Variants in MYH11 observed in about 807,000 individuals in gnomAD.
The protein encoded by MYH11 is myosin-11.
MYH11 carries 80 observed loss-of-function variants against 246.6 expected under a neutral mutation model. That is an observed-to-expected ratio of 0.32 (90% CI 0.27 to 0.39). MYH11 has a LOEUF of 0.39. MYH11 is among the 10% of genes least tolerant of loss of function. The pLI, the probability that MYH11 is intolerant of heterozygous loss-of-function variation, is 1.00. For synonymous variants in MYH11, 1,071 were observed against 1,015.5 expected, an observed-to-expected ratio of 1.05 and a Z score of -1.04; for missense variants, 2,158 against 2,546.8, an observed-to-expected ratio of 0.85 and a Z score of 3.29.
intron 4 of MYH11, among the ~76,000 whole-genome samples, chr16:15,788,077 C>CA (rs2042515560): frequency 3.6e-5 from 2 of 55,374 alleles, no homozygotes; most frequent in Non-Finnish European, 7.3e-5. Context: ...GAAGGTAGAT[C>CA]TTTTTTTTTT....
chr16:15,762,608 G>C (rs925468995), intron 10 of MYH11, among the ~76,000 whole-genome samples: 6 of 151,974 alleles, frequency 3.9e-5, no homozygotes, highest in Non-Finnish European at 4.4e-5. Context: ...GGACAGCTTC[G>C]ACTCCCTGTA....
intron 4 of MYH11, among the ~76,000 whole-genome samples, chr16:15,790,374 C>T (rs1234129599): frequency 6.6e-6 from 1 of 151,974 alleles, no homozygotes; most frequent in African/African-American, 2.4e-5. Flanking sequence ...GTGCCCTATC[C>T]GTGGCTATGG....
At chr16:15,742,370 C>T (rs1280351655) in intron 20 of MYH11, among the ~76,000 whole-genome samples, 1 of 152,212 alleles carries the variant, frequency 6.6e-6, no homozygotes, top group Non-Finnish European at 1.5e-5. Flanking sequence ...ACATTTCCTT[C>T]CTGGCTCTTT....
intron 4 of MYH11, among the ~76,000 whole-genome samples, chr16:15,790,236 C>T (rs1442823771): frequency 6.6e-6 from 1 of 152,088 alleles, no homozygotes; most frequent in Admixed American, 6.6e-5. Context: ...ACCCAGGAGG[C>T]GGAGATTACA....
chr16:15,840,115 G>A (rs185006833), intron 1 of MYH11, among the ~76,000 whole-genome samples: 135 of 152,246 alleles, frequency 8.9e-4, no homozygotes, highest in African/African-American at 3.1e-3. Flanking sequence ...AGGCACAGAA[G>A]AGGTACATAA....
chr16:15,846,900 G>A (rs2044204224), intron 1 of MYH11, among the ~76,000 whole-genome samples: 1 of 152,126 alleles, frequency 6.6e-6, no homozygotes, highest in African/African-American at 2.4e-5. Flanking sequence ...GATGCAGTGA[G>A]CCATGATCAT....
Position 15,786,658 on chromosome 16 carries a change from T to C in MYH11, c.605A>G (p.His202Arg), listed in dbSNP as rs369194676. 1 of 1,614,060 alleles carries C rather than the reference T, an allele frequency of 6.2e-7. No homozygotes were observed. Among genetic ancestry groups the C allele is most frequent in the Admixed American group, 1.7e-5 (1 of 60,002 alleles). Residue 202 changes from histidine to arginine, a missense_variant, in exon 5 of 41, where the codon CAC becomes CGC. Physicochemically the swap from His to Arg is conservative, Grantham distance 29 (BLOSUM62 0). This residue lies in a region of MYH11 where 123 missense variants were observed against 207.1 expected (regional missense o/e 0.59). Coordinates refer to ENST00000300036, the MANE Select transcript of MYH11 (RefSeq NM_002474.3). ...IQYLAVVASS[H>R]KGKKDTSITG... ...GATACTTGTGTCTTTCTTGCCCTTG[T>C]GGGAGGAGGCCACCACGGCCAGGTA... is the stretch of plus-strand genomic sequence containing the variant.
intron 19 of MYH11, among the ~76,000 whole-genome samples, chr16:15,746,598 G>A (rs2041423957): frequency 1.3e-5 from 2 of 152,046 alleles, no homozygotes; most frequent in Admixed American, 1.3e-4. Flanking sequence ...ACACACCCCA[G>A]ACAGAGAGCG....
chr16:15,753,347 T>G, intron 15 of MYH11, 47 bp downstream of exon 15: 1 of 1,555,738 alleles, frequency 6.4e-7, no homozygotes, highest in Non-Finnish European at 8.9e-7. Flanking sequence ...GGGTGTTCAA[T>G]TCTCCAGCTC....
intron 1 of MYH11, among the ~76,000 whole-genome samples, chr16:15,842,668 G>A (rs2044085312): frequency 6.7e-6 from 1 of 149,544 alleles, no homozygotes; most frequent in East Asian, 2.0e-4. Flanking sequence ...GGAGGCTGAG[G>A]CACGAGAATT....
Position 15,756,499 on chromosome 16 carries a change from C to T in MYH11, c.1591G>A (p.Val531Met). 6.2e-7 allele frequency: 1 copy of T among 1,614,212 alleles called. No homozygotes were observed. The highest frequency in any genetic ancestry group is 8.5e-7 in the Non-Finnish European group (1 of 1,180,046). ...CATTCCTCGTCCAGCAGGGCCAGCA[C>T]ACCTGGAGGGTTGTTCTGTGGGAGA... is the stretch of plus-strand genomic sequence containing the variant. ...LIERPNNPPG[V>M]LALLDEECWF... Residue 531 changes from valine (V) to methionine (M), a missense_variant, in exon 14 of 41, where the codon GTG (valine) becomes ATG (methionine). Val to Met is a conservative substitution (Grantham distance 21). Transcript: ENST00000300036.
chr16:15,710,210 T>G (rs2039701796), intron 40 of MYH11, among the ~76,000 whole-genome samples: 1 of 152,178 alleles, frequency 6.6e-6, no homozygotes, highest in Non-Finnish European at 1.5e-5. Context: ...CCACAGGAGG[T>G]GTCCAGTGTG....
intron 14 of MYH11, among the ~76,000 whole-genome samples, chr16:15,754,709 T>G (rs938468076): frequency 3.3e-5 from 5 of 152,210 alleles, no homozygotes; most frequent in African/African-American, 1.2e-4. Flanking sequence ...TGTTGCCCAG[T>G]CTGGAGTGCA....
intron 1 of MYH11, among the ~76,000 whole-genome samples, chr16:15,844,470 T>C (rs1400314709): frequency 6.6e-6 from 1 of 152,168 alleles, no homozygotes; most frequent in Admixed American, 6.5e-5. Context: ...AGTGCTGACA[T>C]TACAGGTGTG....
chr16:15,735,429 A>T lies in MYH11; in HGVS notation c.3443T>A (p.Leu1148Gln), dbSNP rs1060500726. 3 of 1,614,000 alleles carry T rather than the reference A, an allele frequency of 1.9e-6. No homozygotes were observed. The highest frequency in any genetic ancestry group is 2.5e-6 in the Non-Finnish European group (3 of 1,180,010). Residue 1148 changes from leucine to glutamine, a missense_variant, in exon 26 of 41, where the codon CTG becomes CAG. Around this residue, in one of 11 missense-constraint regions of MYH11, gnomAD observed 284 missense variants for 315.4 expected, o/e 0.90. Coordinates refer to ENST00000300036, the MANE Select transcript of MYH11 (RefSeq NM_002474.3). ...TTCCAGCTCTGTCTTTAGGGCCTCC[A>T]GCTCCTCGCCGAGGTCTCGCTTCTG... ...EKQKRDLGEE[L>Q]EALKTELEDT...
At position 15,725,907 on chromosome 16, in the gene MYH11, C is replaced by T. The variant is rs2040729538; in HGVS notation, c.3859-915G>A. 5.2e-6 allele frequency: 2 copies of T among 384,934 alleles called. No homozygotes were observed. The highest frequency in any genetic ancestry group is 9.2e-6 in the Non-Finnish European group (2 of 218,058). The allele number at this position is 384,934 out of a possible 1,614,324, so 23.8% of individuals were successfully genotyped here. A position where few individuals can be genotyped will look rare whatever the true frequency, so the allele number is the denominator to read the frequency against. ...ATACATGTAATAGGTTCTCAAAAGC[C>T]CTACATCATCTGGGTACAAGCTCCC... On this transcript the variant is annotated intron_variant, in intron 28 of 40. Transcript: ENST00000300036.
At chr16:15,784,616 C>T (rs983312363) in intron 5 of MYH11, 9 of 1,473,490 alleles carry the variant, frequency 6.1e-6, no homozygotes, top group East Asian at 4.6e-5. Context: ...CTACGGGACT[C>T]GGTGGGTGCA....
At chr16:15,709,811 C>T (rs1040746544) in intron 40 of MYH11, among the ~76,000 whole-genome samples, 1 of 152,212 alleles carries the variant, frequency 6.6e-6, no homozygotes, top group Non-Finnish European at 1.5e-5. Context: ...TTTATGATTA[C>T]TTGCTCTTCA....
chr16:15,729,860 G>T (rs1877608979), intron 27 of MYH11, among the ~76,000 whole-genome samples: 1 of 151,876 alleles, frequency 6.6e-6, no homozygotes, highest in Non-Finnish European at 1.5e-5. Flanking sequence ...CTAATTTTAT[G>T]TATTTTTAGT....
Sources: allele counts gnomAD v4.1 joint callset (sites outside exome capture counted in the v4.1 genomes callset), GRCh38; gene constraint gnomAD v4.1.1; regional missense constraint gnomAD v4.1.1; transcripts MANE v1.5; gene names NCBI Gene and HGNC (gene_info 2026-07-23, HGNC 2026-07-21).